The following COG6 variants were observed in gnomAD, a reference collection of about 807,000 sequenced individuals.
The protein encoded by COG6 is conserved oligomeric Golgi complex subunit 6.
COG6 carries 74 observed loss-of-function variants against 88.8 expected under a neutral mutation model. That is an observed-to-expected ratio of 0.83 (90% CI 0.69 to 1.01). COG6 has a LOEUF of 1.01. Among genes scored for constraint, COG6 ranks in the 50% least tolerant of loss-of-function variants. The pLI is 0.00. For missense variants in COG6, 800 were observed against 797.9 expected (o/e 1.00, Z -0.03); for synonymous variants, 286 against 278.7 (o/e 1.03, Z -0.26).
chr13:39,712,982 T>C (rs1040476916), intron 13 of COG6, among the ~76,000 whole-genome samples: 1 of 152,224 alleles, frequency 6.6e-6, no homozygotes, highest in Non-Finnish European at 1.5e-5. Flanking sequence ...GGGAAATCTT[T>C]ATTTGTAAGG....
intron 18 of COG6, among the ~76,000 whole-genome samples, chr13:39,778,688 G>A (rs963422465): frequency 2.6e-5 from 4 of 152,238 alleles, no homozygotes; most frequent in Non-Finnish European, 5.9e-5. Flanking sequence ...AGATTCAGAA[G>A]TGGCATAGTT....
chr13:39,655,709 G>GT lies in COG6; in HGVS notation c.-18_-17insT. 4 of 1,584,378 alleles carry GT rather than the reference G, an allele frequency of 2.5e-6. No homozygotes were observed. The highest frequency in any genetic ancestry group is 3.4e-6 in the Non-Finnish European group (4 of 1,164,330). ...CTGCCTGGCTGAGGTGGCAGCAGGG[G>GT]GCGGGACGCGCAGCGCTATGGCAGA... On this transcript the variant is annotated 5_prime_UTR_variant, in exon 1 of 19. Coordinates refer to ENST00000455146, the MANE Select transcript of COG6 (RefSeq NM_020751.3).
chr13:39,677,342 T>C, intron 4 of COG6, 126 bp from the exon 5 acceptor site: 1 of 672,662 alleles, frequency 1.5e-6, no homozygotes, highest in South Asian at 1.7e-5. Context: ...AACAAGACTT[T>C]TGAAAATATT....
chr13:39,683,633 A>G (rs527271886), intron 8 of COG6, among the ~76,000 whole-genome samples: 5 of 152,258 alleles, frequency 3.3e-5, no homozygotes, highest in Non-Finnish European at 7.4e-5. Flanking sequence ...TCACTTTAAC[A>G]TATTGACATT....
chr13:39,682,767 T>C (rs1876390278), intron 8 of COG6, among the ~76,000 whole-genome samples: 1 of 152,104 alleles, frequency 6.6e-6, no homozygotes, highest in South Asian at 2.1e-4. Context: ...TGGATAAGAA[T>C]TTAATGCATT....
chr13:39,694,555 C>A (rs1593431151), intron 11 of COG6, 79 bp from the exon 12 acceptor site: 17 of 830,730 alleles, frequency 2.0e-5, no homozygotes, highest in Non-Finnish European at 3.3e-5. Flanking sequence ...CTTTGTTATG[C>A]TATTCATACC....
intron 18 of COG6, among the ~76,000 whole-genome samples, chr13:39,763,043 C>T (rs3000477): frequency 1 from 151,290 of 151,772 alleles, 75,409 homozygotes; most frequent in Non-Finnish European, 1. Context: ...GAGATGATCA[C>T]TTGGCTTTTC....
intron 13 of COG6, among the ~76,000 whole-genome samples, chr13:39,714,745 A>G (rs924507682): frequency 1.3e-5 from 2 of 152,196 alleles, no homozygotes; most frequent in African/African-American, 4.8e-5. Flanking sequence ...CTACCATTCA[A>G]TCCAGCAATC....
chr13:39,661,513 A>G (rs1874896556), intron 3 of COG6, among the ~76,000 whole-genome samples: 1 of 152,182 alleles, frequency 6.6e-6, no homozygotes, highest in Non-Finnish European at 1.5e-5. Flanking sequence ...TCTAGGAAGA[A>G]TCATTAATGC....
intron 18 of COG6, among the ~76,000 whole-genome samples, chr13:39,744,627 C>T (rs1441029357): frequency 6.6e-6 from 1 of 152,170 alleles, no homozygotes; most frequent in Admixed American, 6.5e-5. Flanking sequence ...AATGGAAGAA[C>T]ATTTCATGCT....
At chr13:39,713,844 T>G (rs915798076) in intron 13 of COG6, among the ~76,000 whole-genome samples, 1 of 152,226 alleles carries the variant, frequency 6.6e-6, no homozygotes, top group Non-Finnish European at 1.5e-5. Context: ...TTCTCCTCCT[T>G]AGATTTTCTT....
chr13:39,708,251 AGAG>A (rs1442167923), intron 13 of COG6, among the ~76,000 whole-genome samples: 1 of 152,202 alleles, frequency 6.6e-6, no homozygotes, highest in Non-Finnish European at 1.5e-5. Flanking sequence ...TTGACTTATA[AGAG>A]TTTTCAAACA....
chr13:39,673,433 A>G (rs996017882), intron 4 of COG6, among the ~76,000 whole-genome samples: 1 of 152,036 alleles, frequency 6.6e-6, no homozygotes, highest in African/African-American at 2.4e-5. Context: ...AGTTTTAACC[A>G]GTCTTTCAAA....
At chr13:39,657,042 C>CT (rs1223837965) in intron 1 of COG6, among the ~76,000 whole-genome samples, 3 of 152,104 alleles carry the variant, frequency 2.0e-5, no homozygotes, top group Non-Finnish European at 4.4e-5. Context: ...ACATGGCCTT[C>CT]TTTTTTGGAC....
chr13:39,770,369 A>G (rs999579800), intron 18 of COG6, among the ~76,000 whole-genome samples: 5 of 152,250 alleles, frequency 3.3e-5, no homozygotes, highest in Non-Finnish European at 7.3e-5. Flanking sequence ...CACAAAGCGC[A>G]TTCATGTATG....
intron 18 of COG6, among the ~76,000 whole-genome samples, chr13:39,743,166 C>T (rs372301465): frequency 5.9e-5 from 9 of 152,046 alleles, no homozygotes; most frequent in East Asian, 5.8e-4. Flanking sequence ...GATCTAAAAT[C>T]GACACCCTAA....
At chr13:39,670,520 C>T (rs1875563694) in intron 4 of COG6, among the ~76,000 whole-genome samples, 1 of 151,924 alleles carries the variant, frequency 6.6e-6, no homozygotes, top group Admixed American at 6.6e-5. Flanking sequence ...TTCTTAACCT[C>T]CCTTAACCTA....
chr13:39,694,298 T>G (rs1269923254), intron 11 of COG6, among the ~76,000 whole-genome samples: 1 of 151,872 alleles, frequency 6.6e-6, no homozygotes, highest in Non-Finnish European at 1.5e-5. Context: ...TTTAGGGATG[T>G]AACAGTTGCC....
chr13:39,758,168 C>T (rs962346146), intron 18 of COG6, among the ~76,000 whole-genome samples: 12 of 136,132 alleles, frequency 8.8e-5, no homozygotes, highest in Admixed American at 3.4e-4. Context: ...TTCGGTGAGT[C>T]GAGATTGTGC....
Sources: gnomAD v4.1 joint callset for allele counts (sites outside exome capture counted in the v4.1 genomes callset) on GRCh38, gnomAD v4.1.1 for gene constraint, MANE v1.5 for transcripts, NCBI Gene and HGNC (gene_info 2026-07-23, HGNC 2026-07-21) for gene names.